SCRIB: variants seen among roughly 807,000 people sequenced by gnomAD.
SCRIB encodes scribble planar cell polarity protein.
Under a neutral mutation model 170.0 loss-of-function variants are expected in SCRIB, and 72 were observed. That is an observed-to-expected ratio of 0.42 (90% CI 0.35 to 0.52). The LOEUF (loss-of-function observed/expected upper bound fraction) is 0.52. Ranked by LOEUF, SCRIB falls within the 20% of genes least tolerant of loss-of-function variation. The pLI is 0.02. For synonymous variants in SCRIB, 1,298 were observed against 1,044.3 expected, an observed-to-expected ratio of 1.24 and a Z score of -4.68; for missense variants, 2,475 against 2,338.5, an observed-to-expected ratio of 1.06 and a Z score of -1.20.
In SCRIB at chr8:143,805,282, A is replaced by G; in HGVS notation, c.2500T>C (p.Tyr834His). The change falls in exon 19 of 37, where the codon TAC becomes CAC. Residue 834 changes from tyrosine to histidine, a missense_variant. This residue lies in a region of SCRIB where 1,966 missense variants were observed against 1,742.9 expected (regional missense o/e 1.13). Transcript: ENST00000356994. The stretch of plus-strand genomic sequence containing the variant: ...CCTCCCCGCCGCTCTCGGGGGCTGT[A>G]ATCATCCTCGGGCCGCAGCGGCGTG... The part of the protein sequence containing the change: ...TITPLRPEDD[Y>H]SPRERRGGGL... 2 of 1,553,926 alleles carry G rather than the reference A, an allele frequency of 1.3e-6. No individual in the cohort carries two copies. The highest frequency in any genetic ancestry group is 1.7e-6 in the Non-Finnish European group (2 of 1,156,022).
chr8:143,808,746 C>T lies in SCRIB; in HGVS notation c.1978G>A (p.Glu660Lys), dbSNP rs1356951733. ...CTACCCTCTTCCTCCTCCTCCTCCT[C>T]CTTCTGGGCCCGAGGAGCCCAGGGT... is the stretch of plus-strand genomic sequence containing the variant. ...HAPWAPRAQK[E>K]EEEEEEGSPQ... The change falls in exon 15 of 37, where the codon GAG becomes AAG. Residue 660 changes from glutamate (E) to lysine (K), a missense_variant. By Grantham distance (56) the Glu-to-Lys change is moderately conservative. This residue lies in a region of SCRIB where 1,966 missense variants were observed against 1,742.9 expected (regional missense o/e 1.13). Coordinates refer to ENST00000356994, the MANE Select transcript of SCRIB (RefSeq NM_182706.5). The T allele has an allele frequency of 8.7e-6, 14 of 1,604,120 alleles. No individual in the cohort carries two copies. In the East Asian group the frequency reaches 2.2e-4, roughly 26 times the overall value.
chr8:143,815,205 G>A lies in SCRIB; in HGVS notation c.159+9C>T. ...CGCCTTTGGGCGGCAGGTGCGGGCG[G>A]CCGCTCACCTTGGGCAGCTCGCGCA... On this transcript the variant is annotated intron_variant, in intron 1 of 36. Transcript: ENST00000356994. The A allele has an allele frequency of 6.4e-7, 1 of 1,561,618 alleles. No individual in the cohort carries two copies. Among genetic ancestry groups the A allele is most frequent in the Non-Finnish European group, 8.6e-7 (1 of 1,160,614 alleles).
intron 15 of SCRIB, 65 bp downstream of exon 15, chr8:143,808,544 G>A (rs1031455687): frequency 1.3e-5 from 20 of 1,482,346 alleles, no homozygotes; most frequent in Admixed American, 7.5e-5. Context: ...TGCTCCTGCC[G>A]CAGCCCTGGG....
chr8:143,811,384 G>C, intron 9 of SCRIB, 39 bp from the exon 10 acceptor site: 1 of 1,574,534 alleles, frequency 6.4e-7, no homozygotes, highest in Non-Finnish European at 8.7e-7. Context: ...CTAGGGGCTT[G>C]CTGGGGGTGG....
At position 143,792,102 on chromosome 8, in the gene SCRIB, C is replaced by A; in HGVS notation, c.4546G>T (p.Ala1516Ser). The change falls in exon 33 of 37, where the codon GCA becomes TCA. Residue 1516 changes from alanine to serine, a missense_variant. By Grantham distance (99) the Ala-to-Ser change is moderately conservative (BLOSUM62 1). Coordinates refer to ENST00000356994, the MANE Select transcript of SCRIB (RefSeq NM_182706.5). ...TGGGACCTGCTGAGGACCATCTGTGCTCGGAGAGCGTCCTGTTCCAATGAC... is the reference window on the plus strand; with the variant it reads ...TGGGACCTGCTGAGGACCATCTGTGATCGGAGAGCGTCCTGTTCCAATGAC... ...MKSLEQDALRAQMVLSRSQEG... is the reference protein window; with the variant it reads ...MKSLEQDALRSQMVLSRSQEG... 6.3e-7 allele frequency: 1 copy of A among 1,588,830 alleles called. No individual in the cohort carries two copies. Among genetic ancestry groups the A allele is most frequent in the Non-Finnish European group, 8.5e-7 (1 of 1,174,296 alleles).
At chr8:143,806,782 C>T (rs954005188) in intron 17 of SCRIB, 142 bp downstream of exon 17, 15 of 681,606 alleles carry the variant, frequency 2.2e-5, no homozygotes, top group African/African-American at 5.4e-5. Context: ...CTTCGGGATC[C>T]CACAACAGTA....
rs1381957158 is a variant in SCRIB, at chr8:143,804,103, G to C, written c.3063C>G (p.Gly1021=). ...GGPLGLSIVG[G]SDHSSHPFGV... ...CAAACGGGTGGCTGGAATGGTCGGA[G>C]CCTCCGACAATACTAAGCCCCAGAG... is the stretch of plus-strand genomic sequence containing the variant. The change falls in exon 22 of 37, where the codon GGC becomes GGG. Residue 1021 remains glycine (G), a synonymous_variant. Coordinates refer to ENST00000356994, the MANE Select transcript of SCRIB (RefSeq NM_182706.5). 1 of 1,612,834 alleles carries C rather than the reference G, an allele frequency of 6.2e-7. No homozygotes were observed. The highest frequency in any genetic ancestry group is 8.5e-7 in the Non-Finnish European group (1 of 1,179,554).
Position 143,808,884 on chromosome 8 carries a change from A to T in SCRIB, c.1840T>A (p.Phe614Ile). 1 of 1,609,942 alleles carries T rather than the reference A, an allele frequency of 6.2e-7. No homozygotes were observed. The highest frequency in any genetic ancestry group is 8.5e-7 in the Non-Finnish European group (1 of 1,179,934). Residue 614 changes from phenylalanine to isoleucine, a missense_variant, in exon 15 of 37, where the codon TTC (phenylalanine) becomes ATC (isoleucine). Around this residue, in one of 3 missense-constraint regions of SCRIB, gnomAD observed 1,966 missense variants for 1,742.9 expected, o/e 1.13. Coordinates refer to ENST00000356994, the MANE Select transcript of SCRIB (RefSeq NM_182706.5). Reference protein sequence around the residue: ...RKDTPHYKKHFKISKLPQPEA... With the variant: ...RKDTPHYKKHIKISKLPQPEA... Reference sequence around the variant, plus strand: ...GGCTGGGGCAGCTTGGAGATCTTGAAGTGCTTTTTGTAGTGAGGTGTGTCC... The same window carrying T: ...GGCTGGGGCAGCTTGGAGATCTTGATGTGCTTTTTGTAGTGAGGTGTGTCC...
Position 143,795,098 on chromosome 8 carries a change from C to T in SCRIB, c.3786G>A (p.Gln1262=), listed in dbSNP as rs782010091. 2.5e-6 allele frequency: 4 copies of T among 1,611,224 alleles called. No homozygotes were observed. ...GGGCGCGGTAGTCCAGCTTCAGGGG[C>T]TGCAGACCCCGACCCTGGGGGCAGA... The part of the protein sequence containing the change: ...EATEAAGRGL[Q]PLKLDYRALA... Residue 1262 remains glutamine (Q), a synonymous_variant, in exon 27 of 37, where the codon CAG becomes CAA. Transcript: ENST00000356994.
At position 143,805,371 on chromosome 8, in the gene SCRIB, C is replaced by T. The variant is rs200647155; in HGVS notation, c.2411G>A (p.Gly804Asp). Residue 804 changes from glycine (G) to aspartate (D), a missense_variant, in exon 19 of 37, where the codon GGC (glycine) becomes GAC (aspartate). Gly to Asp is a moderately conservative substitution (Grantham distance 94). This residue lies in a region of SCRIB where 1,966 missense variants were observed against 1,742.9 expected (regional missense o/e 1.13). Coordinates refer to ENST00000356994, the MANE Select transcript of SCRIB (RefSeq NM_182706.5). ...HEAVEALRGA[G>D]TAVQMRVWRE... ...CCACACTCGCATCTGCACGGCAGTG[C>T]CGGCCCCCCGGAGCGCCTCCACGGC... 3.2e-6 allele frequency: 5 copies of T among 1,548,108 alleles called. No individual in the cohort carries two copies. The highest frequency in any genetic ancestry group is 3.5e-6 in the Non-Finnish European group (4 of 1,152,880).
In SCRIB at chr8:143,813,738, G is replaced by A. The variant is rs2130154269; in HGVS notation, c.357-12C>T. 6 of 1,613,216 alleles carry A rather than the reference G, an allele frequency of 3.7e-6. No homozygotes were observed. The highest frequency in any genetic ancestry group is 5.1e-6 in the Non-Finnish European group (6 of 1,179,856). The stretch of plus-strand genomic sequence containing the variant: ...AGCCATCAGGGAGCCTGGATGGGAG[G>A]AAGCAGAGGCCCTCGGATGACCAGT... On this transcript the variant is annotated splice_polypyrimidine_tract_variant and intron_variant, in intron 3 of 36. Coordinates refer to ENST00000356994, the MANE Select transcript of SCRIB (RefSeq NM_182706.5).
At chr8:143,800,907 C>T (rs1420942536) in intron 24 of SCRIB, among the ~76,000 whole-genome samples, 1 of 152,166 alleles carries the variant, frequency 6.6e-6, no homozygotes, top group African/African-American at 2.4e-5. Flanking sequence ...ACGTGAAATC[C>T]CAGAATTCCA....
In SCRIB at chr8:143,815,339, G is replaced by A. The variant is rs375822903; in HGVS notation, c.34C>T (p.Arg12Trp). ...LKCIPLWRCN[R>W]HVESVDKRHC... ...CGCTTGTCCACCGACTCCACGTGCC[G>A]GTTGCAGCGCCACAGCGGGATGCAC... The change falls in exon 1 of 37, where the codon CGG becomes TGG. Residue 12 changes from arginine to tryptophan, a missense_variant. Around this residue, in one of 3 missense-constraint regions of SCRIB, gnomAD observed 487 missense variants for 558.1 expected, o/e 0.87. Transcript: ENST00000356994. The A allele has an allele frequency of 2.8e-5, 43 of 1,554,564 alleles. No homozygotes were observed. Among genetic ancestry groups the A allele is most frequent in the Non-Finnish European group, 3.2e-5 (37 of 1,151,538 alleles).
At chr8:143,794,934 C>T (rs1814874711) in intron 27 of SCRIB, 104 bp downstream of exon 27, 3 of 1,177,280 alleles carry the variant, frequency 2.5e-6, no homozygotes. Context: ...ACCCCAGCCC[C>T]CGCCCAAAGG....
intron 24 of SCRIB, among the ~76,000 whole-genome samples, chr8:143,801,673 G>C (rs900667719): frequency 8.5e-5 from 13 of 152,242 alleles, no homozygotes; most frequent in African/African-American, 3.1e-4. Flanking sequence ...GGGGCGGACA[G>C]CGAGCCCCCG....
intron 18 of SCRIB, 56 bp from the exon 19 acceptor site, chr8:143,805,491 CGTG>C: frequency 1.4e-6 from 2 of 1,413,672 alleles, no homozygotes; most frequent in South Asian, 1.5e-5. Context: ...CAGACAGCCA[CGTG>C]CTGGGGGCTC....
In SCRIB at chr8:143,805,169, C is replaced by T; in HGVS notation, c.2613G>A (p.Gly871=). ...TCCCACCAGCAATGCTGAAGCCCAGCCCCCTCTCGCTGCGTGCCAGGCAGG... is the reference window on the plus strand; with the variant it reads ...TCCCACCAGCAATGCTGAAGCCCAGTCCCCTCTCGCTGCGTGCCAGGCAGG... The part of the protein sequence containing the change: ...HVACLARSER[G]LGFSIAGGKG... Residue 871 remains glycine, a synonymous_variant, in exon 19 of 37, where the codon GGG becomes GGA. Coordinates refer to ENST00000356994, the MANE Select transcript of SCRIB (RefSeq NM_182706.5). 2.5e-6 allele frequency: 4 copies of T among 1,574,512 alleles called. No homozygotes were observed. The highest frequency in any genetic ancestry group is 3.4e-6 in the Non-Finnish European group (4 of 1,159,612).
rs1281478803 is a variant in SCRIB, at chr8:143,809,677, A to G, written c.1572T>C (p.Ser524=). ...LSAESGLSED[S]RPSASTVSEA... is the part of the protein sequence containing the mutation. ...CAGAGACTGTGCTGGCAGATGGGCG[A>G]GAGTCTTCACTCAGGCCAGACTCGG... The change falls in exon 14 of 37, where the codon TCT becomes TCC. Residue 524 remains serine, a synonymous_variant. Coordinates refer to ENST00000356994, the MANE Select transcript of SCRIB (RefSeq NM_182706.5). 2 of 1,611,044 alleles carry G rather than the reference A, an allele frequency of 1.2e-6. No homozygotes were observed. Among genetic ancestry groups the G allele is most frequent in the Non-Finnish European group, 1.7e-6 (2 of 1,179,904 alleles).
intron 24 of SCRIB, among the ~76,000 whole-genome samples, chr8:143,801,711 TAGC>T (rs1815179093): frequency 1.3e-5 from 2 of 151,512 alleles, no homozygotes; most frequent in African/African-American, 4.9e-5. Flanking sequence ...GGGAAAGAGG[TAGC>T]AGTGACGGGG....
Sources: allele counts gnomAD v4.1 joint callset (sites outside exome capture counted in the v4.1 genomes callset), GRCh38; gene constraint gnomAD v4.1.1; regional missense constraint gnomAD v4.1.1; transcripts MANE v1.5; gene names NCBI Gene and HGNC (gene_info 2026-07-23, HGNC 2026-07-21).